The following FBXO34 variants were observed in gnomAD, a reference collection of about 807,000 sequenced individuals.
FBXO34 encodes F-box only protein 34.
A neutral mutation model predicts 24.5 loss-of-function variants in FBXO34; 12 were observed. The observed-to-expected ratio is 0.49, with a 90% CI of 0.31 to 0.79. The LOEUF (loss-of-function observed/expected upper bound fraction) is 0.79. Ranked by LOEUF, FBXO34 falls within the 30% of genes least tolerant of loss-of-function variation. FBXO34 has a pLI of 0.04. For missense variants in FBXO34, 823 were observed against 857.7 expected, an observed-to-expected ratio of 0.96 and a Z score of 0.51; for synonymous variants, 320 against 311.9, an observed-to-expected ratio of 1.03 and a Z score of -0.27.
chr14:55,291,194 G>T (rs1272935502), intron 1 of FBXO34, among the ~76,000 whole-genome samples: 1 of 152,094 alleles, frequency 6.6e-6, no homozygotes, highest in African/African-American at 2.4e-5. Flanking sequence ...TTTGCAGTTG[G>T]ACAATACACT....
At chr14:55,323,218 A>AT (rs1405231374) in intron 1 of FBXO34, among the ~76,000 whole-genome samples, 46 of 31,606 alleles carry the variant, frequency 1.5e-3, no homozygotes, top group Admixed American at 1.7e-3. Flanking sequence ...AAAAAAAAAA[A>AT]ATATATATTT....
At chr14:55,434,272 G>A in the FBXO34 span, among the ~76,000 whole-genome samples, 1 of 152,184 alleles carries the variant, frequency 6.6e-6, no homozygotes, top group African/African-American at 2.4e-5. Flanking sequence ...CAAGGTTCTT[G>A]CCTCTTATAG....
chr14:55,320,163 C>G (rs1883080195), intron 1 of FBXO34, among the ~76,000 whole-genome samples: 1 of 152,184 alleles, frequency 6.6e-6, no homozygotes, highest in Admixed American at 6.5e-5. Context: ...TCTACCTTGG[C>G]ATTGCCTGAA....
the FBXO34 span, among the ~76,000 whole-genome samples, chr14:55,423,641 T>C: frequency 6.6e-5 from 10 of 152,342 alleles, no homozygotes; most frequent in African/African-American, 2.2e-4. Context: ...GGAAAAAATA[T>C]TACATAACAC....
At chr14:55,437,489 T>C in the FBXO34 span, among the ~76,000 whole-genome samples, 1 of 152,286 alleles carries the variant, frequency 6.6e-6, no homozygotes, top group Non-Finnish European at 1.5e-5. Flanking sequence ...AAAATGATTC[T>C]ATTACAGTTA....
At chr14:55,430,098 G>C in the FBXO34 span, among the ~76,000 whole-genome samples, 1 of 152,136 alleles carries the variant, frequency 6.6e-6, no homozygotes. Context: ...GTGGAGTCCT[G>C]AGAGGTGAGG....
the FBXO34 span, among the ~76,000 whole-genome samples, chr14:55,418,863 A>G: frequency 6.6e-6 from 1 of 152,242 alleles, no homozygotes; most frequent in South Asian, 2.1e-4. Flanking sequence ...TAATAGCTCA[A>G]CAGTGCCAGG....
intron 1 of FBXO34, among the ~76,000 whole-genome samples, chr14:55,322,740 C>T (rs1379834607): frequency 1.3e-5 from 2 of 151,892 alleles, no homozygotes; most frequent in East Asian, 1.9e-4. Context: ...AAAAGTTTAA[C>T]GTTTATATTT....
At chr14:55,394,024 T>G in the FBXO34 span, among the ~76,000 whole-genome samples, 2 of 149,088 alleles carry the variant, frequency 1.3e-5, no homozygotes, top group Admixed American at 6.7e-5. Flanking sequence ...TTTTTTTTTT[T>G]GAGATGGAGT....
At position 55,352,376 on chromosome 14, in the gene FBXO34, A is replaced by G. The variant is rs201837605; in HGVS notation, c.1986A>G (p.Pro662=). The change falls in exon 2 of 2, where the codon CCA becomes CCG. Residue 662 remains proline (P), a synonymous_variant. Coordinates refer to ENST00000313833, the MANE Select transcript of FBXO34 (RefSeq NM_017943.4). ...ATTGCCAGGCATTGCCCTATGGGCC[A>G]GGGTATTGGATGTGCTGCCACCGGT... ...KPYCQALPYG[P]GYWMCCHRSQ... is the part of the protein sequence containing the mutation. The G allele has an allele frequency of 4.3e-6, 7 of 1,614,222 alleles. No individual in the cohort carries two copies. In the African/African-American group the frequency reaches 5.3e-5, roughly 12 times the overall value.
intron 1 of FBXO34, among the ~76,000 whole-genome samples, chr14:55,273,787 G>A (rs1440168043): frequency 1.3e-5 from 2 of 152,126 alleles, no homozygotes; most frequent in East Asian, 3.9e-4. Context: ...ACGGCTGTAT[G>A]TAAGTTAGGT....
the FBXO34 span, chr14:55,436,757 T>G: frequency 6.2e-7 from 1 of 1,614,096 alleles, no homozygotes; most frequent in African/African-American, 1.3e-5. Context: ...TCCTGTTCGC[T>G]GGGTGATGGC....
intron 1 of FBXO34, among the ~76,000 whole-genome samples, chr14:55,349,523 T>A: frequency 6.6e-6 from 1 of 151,784 alleles, no homozygotes; most frequent in Non-Finnish European, 1.5e-5. Context: ...ATGGGCAAAG[T>A]ACACAGGAAG....
the FBXO34 span, chr14:55,395,165 G>A: frequency 1.1e-5 from 5 of 460,228 alleles, no homozygotes; most frequent in African/African-American, 8.0e-5. Flanking sequence ...CAGCTGATAA[G>A]CGTGCCGATC....
At chr14:55,385,544 C>G in the FBXO34 span, among the ~76,000 whole-genome samples, 2 of 152,172 alleles carry the variant, frequency 1.3e-5, no homozygotes, top group African/African-American at 2.4e-5. Flanking sequence ...TCGCCTGCCT[C>G]GGCCTCCCAA....
chr14:55,350,973 A>G lies in FBXO34; in HGVS notation c.583A>G (p.Ser195Gly), dbSNP rs1884340960. Residue 195 changes from serine (S) to glycine (G), a missense_variant, in exon 2 of 2, where the codon AGT becomes GGT. Ser to Gly is a moderately conservative substitution (Grantham distance 56). This residue lies in a region of FBXO34 where 693 missense variants were observed against 659.1 expected (regional missense o/e 1.05). Transcript: ENST00000313833. ...EHCSVHYVSD[S>G]GDGVYAGRPL... ...CTGTTCTGTGCACTATGTGAGTGAC[A>G]GTGGGGATGGAGTCTATGCTGGGAG... 1.2e-6 allele frequency: 2 copies of G among 1,614,056 alleles called. No individual in the cohort carries two copies. The highest frequency in any genetic ancestry group is 1.3e-5 in the African/African-American group (1 of 74,934).
At chr14:55,414,359 T>TGA in the FBXO34 span, 1 of 1,559,632 alleles carries the variant, frequency 6.4e-7, no homozygotes, top group Non-Finnish European at 8.7e-7. Flanking sequence ...CAGAATAATG[T>TGA]GAGATGCTGA....
chr14:55,378,208 C>T, the FBXO34 span: 2 of 676,576 alleles, frequency 3.0e-6, no homozygotes, highest in South Asian at 1.9e-5. Context: ...CACTTAAAGA[C>T]TTTCTAAGAA....
chr14:55,382,251 A>G, the FBXO34 span: 3 of 1,483,946 alleles, frequency 2.0e-6, no homozygotes, highest in Non-Finnish European at 2.8e-6. Context: ...GGCATGCAAT[A>G]TAACTGCAAG....
Sources: allele counts gnomAD v4.1 joint callset (sites outside exome capture counted in the v4.1 genomes callset), GRCh38; gene constraint gnomAD v4.1.1; regional missense constraint gnomAD v4.1.1; transcripts MANE v1.5; gene names NCBI Gene and HGNC (gene_info 2026-07-23, HGNC 2026-07-21).